The following NPAS3 variants were observed in gnomAD, a reference collection of about 807,000 sequenced individuals.
NPAS3 encodes neuronal PAS domain-containing protein 3.
In NPAS3, 14 loss-of-function variants were observed where a neutral mutation model predicts 73.1. The ratio of observed to expected loss-of-function variants is 0.19; its 90% confidence interval spans 0.13 to 0.30. The LOEUF (loss-of-function observed/expected upper bound fraction) is 0.30, where lower values mean the gene tolerates loss of function less well. Ranked by LOEUF, NPAS3 falls within the 10% of genes least tolerant of loss-of-function variation. NPAS3 has a pLI of 1.00. For missense variants in NPAS3, 1,096 were observed against 1,250.0 expected, an observed-to-expected ratio of 0.88 and a Z score of 1.86; for synonymous variants, 620 against 541.5, an observed-to-expected ratio of 1.14 and a Z score of -2.01.
chr14:33,286,913 A>G (rs186737537), intron 3 of NPAS3, among the ~76,000 whole-genome samples: 1 of 152,286 alleles, frequency 6.6e-6, no homozygotes, highest in South Asian at 2.1e-4. Flanking sequence ...ATTTCCTTAA[A>G]AATCATTTCC....
At chr14:33,191,427 T>A (rs1356935128) in intron 2 of NPAS3, among the ~76,000 whole-genome samples, 4 of 152,174 alleles carry the variant, frequency 2.6e-5, no homozygotes, top group Non-Finnish European at 5.9e-5. Context: ...ATAATTATAA[T>A]TAGGTGACAG....
chr14:33,288,951 G>T (rs144213169), intron 3 of NPAS3, among the ~76,000 whole-genome samples: 35 of 152,242 alleles, frequency 2.3e-4, no homozygotes, highest in African/African-American at 7.9e-4. Context: ...ATAGAAGGTG[G>T]TCAGTGTTTG....
intron 1 of NPAS3, among the ~76,000 whole-genome samples, chr14:32,985,284 G>C (rs138051832): frequency 6.6e-6 from 1 of 152,108 alleles, no homozygotes; most frequent in African/African-American, 2.4e-5. Context: ...GGTAGGGCTC[G>C]TGTGTGTTGA....
At chr14:33,411,292 C>T (rs2047915481) in intron 4 of NPAS3, among the ~76,000 whole-genome samples, 1 of 152,210 alleles carries the variant, frequency 6.6e-6, no homozygotes, top group Non-Finnish European at 1.5e-5. Flanking sequence ...AAGCGATTCT[C>T]CTGCCGCAGC....
chr14:33,251,586 T>C (rs73254945), intron 3 of NPAS3, among the ~76,000 whole-genome samples: 4,872 of 152,204 alleles, frequency 0.032, 149 homozygotes, highest in East Asian at 0.14. Flanking sequence ...TTTATACTTA[T>C]CTATATTTAA....
chr14:33,456,636 A>G (rs1022726), intron 4 of NPAS3, among the ~76,000 whole-genome samples: 112,173 of 152,036 alleles, frequency 0.74, 41,563 homozygotes, highest in East Asian at 0.85. Flanking sequence ...AAGCTTTATA[A>G]CGACTCATAT....
intron 5 of NPAS3, among the ~76,000 whole-genome samples, chr14:33,673,505 T>C (rs529608168): frequency 6.6e-6 from 1 of 152,306 alleles, no homozygotes; most frequent in East Asian, 1.9e-4. Flanking sequence ...AATTACACAA[T>C]AATATACATT....
intron 2 of NPAS3, among the ~76,000 whole-genome samples, chr14:33,060,120 G>A (rs1566515717): frequency 6.6e-6 from 1 of 152,206 alleles, no homozygotes; most frequent in Non-Finnish European, 1.5e-5. Context: ...ATAGACATGA[G>A]ATGGAATAGT....
intron 3 of NPAS3, among the ~76,000 whole-genome samples, chr14:33,219,913 T>G (rs1310096870): frequency 1.3e-5 from 2 of 152,160 alleles, no homozygotes; most frequent in Non-Finnish European, 2.9e-5. Context: ...GTTCAGGGAT[T>G]TTCCTGTTGC....
At chr14:33,036,012 C>A (rs1039080577) in intron 1 of NPAS3, among the ~76,000 whole-genome samples, 2 of 152,290 alleles carry the variant, frequency 1.3e-5, no homozygotes, top group African/African-American at 4.8e-5. Flanking sequence ...AAGCCACATC[C>A]TTTACAATCT....
intron 2 of NPAS3, among the ~76,000 whole-genome samples, chr14:33,130,302 T>C (rs761113897): frequency 7.2e-5 from 11 of 152,160 alleles, no homozygotes; most frequent in Admixed American, 2.0e-4. Flanking sequence ...TTTGTAGACT[T>C]AGACCCACTG....
intron 3 of NPAS3, among the ~76,000 whole-genome samples, chr14:33,261,883 A>G (rs1461327965): frequency 6.6e-6 from 1 of 152,262 alleles, no homozygotes; most frequent in African/African-American, 2.4e-5. Flanking sequence ...GGGCTTAGCA[A>G]TGATCATGAG....
chr14:33,106,606 C>G (rs1271904415), intron 2 of NPAS3, among the ~76,000 whole-genome samples: 1 of 152,092 alleles, frequency 6.6e-6, no homozygotes, highest in Non-Finnish European at 1.5e-5. Flanking sequence ...CCACTGGAGC[C>G]CTGCTCTTAA....
At chr14:33,534,402 G>C (rs181128806) in intron 4 of NPAS3, among the ~76,000 whole-genome samples, 3 of 152,168 alleles carry the variant, frequency 2.0e-5, no homozygotes, top group Admixed American at 1.3e-4. Context: ...CTTTACATTG[G>C]GAGTCAGGAT....
At chr14:33,557,845 C>G (rs554824601) in intron 4 of NPAS3, among the ~76,000 whole-genome samples, 1 of 152,026 alleles carries the variant, frequency 6.6e-6, no homozygotes, top group Non-Finnish European at 1.5e-5. Context: ...GGCGGGTGCC[C>G]GTAGTCCCAG....
At chr14:33,532,169 G>C (rs551793861) in intron 4 of NPAS3, among the ~76,000 whole-genome samples, 2 of 152,178 alleles carry the variant, frequency 1.3e-5, no homozygotes, top group South Asian at 4.1e-4. Flanking sequence ...AAACAATCCA[G>C]GCTAAAAGGA....
chr14:33,531,795 C>A (rs2054056190), intron 4 of NPAS3, among the ~76,000 whole-genome samples: 2 of 152,120 alleles, frequency 1.3e-5, no homozygotes, highest in Admixed American at 1.3e-4. Flanking sequence ...TTTGCGTTCC[C>A]ATCAAGTGTT....
At chr14:33,722,360 A>AG (rs543424333) in intron 6 of NPAS3, among the ~76,000 whole-genome samples, 22 of 152,260 alleles carry the variant, frequency 1.4e-4, no homozygotes, top group South Asian at 2.1e-4. Flanking sequence ...ACTTAAGGAA[A>AG]GGGGGGGTAA....
intron 4 of NPAS3, among the ~76,000 whole-genome samples, chr14:33,548,442 T>C (rs978263451): frequency 6.6e-6 from 1 of 152,220 alleles, no homozygotes; most frequent in African/African-American, 2.4e-5. Context: ...AGTGAGTGGA[T>C]TATCAATATG....
Sources: gnomAD v4.1 joint callset for allele counts (sites outside exome capture counted in the v4.1 genomes callset) on GRCh38, gnomAD v4.1.1 for gene constraint, MANE v1.5 for transcripts, NCBI Gene and HGNC (gene_info 2026-07-23, HGNC 2026-07-21) for gene names.